The following NUP98 variants were observed in gnomAD, a reference collection of about 807,000 sequenced individuals.
NUP98 encodes the protein nuclear pore complex protein Nup98-Nup96.
NUP98 carries 26 observed loss-of-function variants against 191.9 expected under a neutral mutation model. The ratio of observed to expected loss-of-function variants is 0.14; its 90% confidence interval spans 0.10 to 0.19. NUP98 has a LOEUF of 0.19. Among genes scored for constraint, NUP98 ranks in the 10% least tolerant of loss-of-function variants. The pLI, the probability that NUP98 is intolerant of heterozygous loss-of-function variation, is 1.00. For synonymous variants in NUP98, 808 were observed against 778.4 expected, an observed-to-expected ratio of 1.04 and a Z score of -0.63; for missense variants, 1,941 against 2,178.8, an observed-to-expected ratio of 0.89 and a Z score of 2.17.
At chr11:3,676,661 C>T (rs1244468700) in intron 31 of NUP98, 41 bp from the exon 32 acceptor site, 1 of 1,424,606 alleles carries the variant, frequency 7.0e-7, no homozygotes, top group Non-Finnish European at 9.9e-7. Context: ...AAGGGGAGTT[C>T]CTATCACTCC....
chr11:3,744,958 C>T (rs113710941), intron 11 of NUP98, among the ~76,000 whole-genome samples: 7 of 152,204 alleles, frequency 4.6e-5, no homozygotes, highest in African/African-American at 1.4e-4. Flanking sequence ...TAGAAGACAT[C>T]GGGAACATAC....
At chr11:3,748,605 G>GACCA (rs1209645383) in intron 11 of NUP98, among the ~76,000 whole-genome samples, 1 of 152,144 alleles carries the variant, frequency 6.6e-6, no homozygotes, top group East Asian at 1.9e-4. Flanking sequence ...AGTCGTCCAA[G>GACCA]ACCAGCCTGG....
At chr11:3,771,199 A>C (rs2133904059) in intron 7 of NUP98, among the ~76,000 whole-genome samples, 1 of 152,254 alleles carries the variant, frequency 6.6e-6, no homozygotes, top group South Asian at 2.1e-4. Context: ...AACACCTCTT[A>C]TGTTGATAAT....
rs1204314287 is a variant in NUP98, at chr11:3,788,228, ATT to A, written c.-28-6085_-28-6084del. Among the ~76,000 whole-genome samples, 3 of 152,234 alleles carry A rather than the reference ATT, an allele frequency of 2.0e-5. No individual in the cohort carries two copies. In the East Asian group the frequency reaches 5.8e-4, roughly 29 times the overall value. The stretch of plus-strand genomic sequence containing the variant: ...CTCCTTCCTAATAGCACTGAGCAGC[ATT>A]TTTTTCATCCCCTTAACATAACCCT... On this transcript the variant is annotated intron_variant, in intron 1 of 32. Coordinates refer to ENST00000324932, the MANE Select transcript of NUP98 (RefSeq NM_016320.5).
rs761148248 is a variant in NUP98 at position 3,760,581 on chromosome 11, T to A, written c.1132A>T (p.Thr378Ser). Residue 378 changes from threonine (T) to serine (S), a missense_variant, in exon 10 of 33, where the codon ACC becomes TCC. Physicochemically the swap from Thr to Ser is moderately conservative, Grantham distance 58. Coordinates refer to ENST00000324932, the MANE Select transcript of NUP98 (RefSeq NM_016320.5). ...NKLTTFGSST[T>S]SAPSFGTTSG... is the part of the protein sequence containing the mutation. ...GTTGTACCAAATGAAGGTGCACTGG[T>A]TGTGCTGCTTCCAAATGTAGTAAGC... 1.9e-6 allele frequency: 3 copies of A among 1,613,832 alleles called. No homozygotes were observed. Among genetic ancestry groups the A allele is most frequent in the Admixed American group, 3.3e-5 (2 of 59,968 alleles).
Position 3,719,495 on chromosome 11 carries a change from A to G in NUP98, c.2316T>C (p.Asp772=). Residue 772 remains aspartate, a synonymous_variant, in exon 18 of 33, where the codon GAT becomes GAC. Transcript: ENST00000324932. ...GDVNLTNLNL[D]DIVHIRRKEV... ...CTTTCCTCCGGATATGCACAATATC[A>G]TCCAAATTTAGATTTGTCAAATTCA... 1 of 1,593,396 alleles carries G rather than the reference A, an allele frequency of 6.3e-7. No individual in the cohort carries two copies. The highest frequency in any genetic ancestry group is 8.5e-7 in the Non-Finnish European group (1 of 1,172,030).
At chr11:3,710,549 A>G (rs1219346362) in intron 20 of NUP98, among the ~76,000 whole-genome samples, 3 of 152,220 alleles carry the variant, frequency 2.0e-5, no homozygotes, top group Admixed American at 6.5e-5. Context: ...CTCCCCCAAG[A>G]AAAAAAGAAG....
At chr11:3,730,826 A>G (rs556219130) in intron 14 of NUP98, among the ~76,000 whole-genome samples, 1 of 151,652 alleles carries the variant, frequency 6.6e-6, no homozygotes, top group South Asian at 2.1e-4. Context: ...AAAAAAACCT[A>G]ATTATTCAAA....
intron 6 of NUP98, among the ~76,000 whole-genome samples, chr11:3,772,865 C>T (rs1019717093): frequency 5.9e-5 from 9 of 151,362 alleles, no homozygotes; most frequent in African/African-American, 1.9e-4. Context: ...GTAATCCAAG[C>T]TACTAGGGAG....
At chr11:3,690,075 C>T (rs898977447) in intron 28 of NUP98, among the ~76,000 whole-genome samples, 1 of 150,190 alleles carries the variant, frequency 6.7e-6, no homozygotes, top group Non-Finnish European at 1.5e-5. Flanking sequence ...CCTCAGTTTC[C>T]TAGGTAACTG....
At chr11:3,681,611 A>T (rs1022201498) in intron 30 of NUP98, among the ~76,000 whole-genome samples, 7 of 149,164 alleles carry the variant, frequency 4.7e-5, no homozygotes, top group South Asian at 2.1e-4. Flanking sequence ...TTTGAAAGAA[A>T]TTTTTTTTTT....
chr11:3,746,818 C>A (rs1047913670), intron 11 of NUP98, among the ~76,000 whole-genome samples: 1 of 150,704 alleles, frequency 6.6e-6, no homozygotes, highest in African/African-American at 2.5e-5. Context: ...AAGGCTGAAG[C>A]AGGAGAATCG....
chr11:3,680,134 G>A (rs917264760), intron 30 of NUP98, among the ~76,000 whole-genome samples: 1 of 152,212 alleles, frequency 6.6e-6, no homozygotes, highest in African/African-American at 2.4e-5. Flanking sequence ...TCAGGGTGTT[G>A]CCTGCTGAAG....
intron 21 of NUP98, 33 bp downstream of exon 21, chr11:3,706,412 T>G: frequency 6.2e-7 from 1 of 1,605,774 alleles, no homozygotes; most frequent in Non-Finnish European, 8.5e-7. Flanking sequence ...TAGTTTGGCT[T>G]TCTGTTACAA....
rs1314258000 is a variant in NUP98 at position 3,706,646 on chromosome 11, T to C, written c.2743-19A>G. The C allele has an allele frequency of 1.9e-6, 3 of 1,608,524 alleles. No individual in the cohort carries two copies. Among genetic ancestry groups the C allele is most frequent in the Non-Finnish European group, 2.5e-6 (3 of 1,176,954 alleles). ...TCTGGCTCTGTAGACAGCAGAAAGA[T>C]CAGGAAAGCAGCATTAAATTATACC... On this transcript the variant is annotated intron_variant, in intron 20 of 32. Coordinates refer to ENST00000324932, the MANE Select transcript of NUP98 (RefSeq NM_016320.5).
chr11:3,734,815 C>T (rs1361761016), intron 13 of NUP98, among the ~76,000 whole-genome samples: 1 of 152,000 alleles, frequency 6.6e-6, no homozygotes, highest in Non-Finnish European at 1.5e-5. Flanking sequence ...ACCTGTAATC[C>T]CAGCACGTTG....
intron 30 of NUP98, 62 bp downstream of exon 30, chr11:3,683,138 T>A: frequency 6.2e-7 from 1 of 1,600,700 alleles, no homozygotes. Flanking sequence ...GACCCCATCA[T>A]GGAGGTTCAG....
intron 1 of NUP98, 21 bp from the exon 2 acceptor site, chr11:3,782,166 T>C (rs765688874): frequency 1.3e-5 from 17 of 1,341,084 alleles, no homozygotes; most frequent in Admixed American, 1.8e-5. Context: ...GAAAACATTA[T>C]CACTCTCTTA....
intron 1 of NUP98, among the ~76,000 whole-genome samples, chr11:3,794,407 G>A (rs573415578): frequency 3.9e-5 from 6 of 151,958 alleles, no homozygotes; most frequent in African/African-American, 1.2e-4. Context: ...TGCAACCTCC[G>A]CCTCCCGAGT....
Sources: gnomAD v4.1 joint callset for allele counts (sites outside exome capture counted in the v4.1 genomes callset) on GRCh38, gnomAD v4.1.1 for gene constraint, MANE v1.5 for transcripts, NCBI Gene and HGNC (gene_info 2026-07-23, HGNC 2026-07-21) for gene names.